The following ERG variants were observed in gnomAD, a reference collection of about 807,000 sequenced individuals.
ERG encodes the protein ETS transcription factor ERG, also known as transcriptional regulator ERG.
ERG carries 9 observed loss-of-function variants against 55.3 expected under a neutral mutation model. The ratio of observed to expected loss-of-function variants is 0.16; its 90% CI spans 0.10 to 0.28. The LOEUF is 0.28. Among genes scored for constraint, ERG ranks in the 10% least tolerant of loss-of-function variants. ERG has a pLI of 1.00. For missense variants in ERG, 434 were observed against 631.6 expected, an observed-to-expected ratio of 0.69 and a Z score of 3.35; for synonymous variants, 223 against 237.3, an observed-to-expected ratio of 0.94 and a Z score of 0.55.
chr21:38,595,090 G>T (rs747575920), intron 1 of ERG, among the ~76,000 whole-genome samples: 2 of 152,176 alleles, frequency 1.3e-5, no homozygotes, highest in Non-Finnish European at 1.5e-5. Flanking sequence ...GACGATGAGG[G>T]TTTGTGTGGA....
intron 1 of ERG, among the ~76,000 whole-genome samples, chr21:38,576,845 G>A (rs2059997657): frequency 6.6e-6 from 1 of 152,038 alleles, no homozygotes; most frequent in Non-Finnish European, 1.5e-5. Context: ...TTATGGTTCT[G>A]ACTGCAGCTG....
At position 38,385,131 on chromosome 21, in the gene ERG, A is replaced by G. The variant is rs557041959; in HGVS notation, c.920-1208T>C. Among the ~76,000 whole-genome samples, 7 of 152,342 alleles carry G rather than the reference A, an allele frequency of 4.6e-5. No homozygotes were observed. In the South Asian group the frequency reaches 1.4e-3, roughly 32 times the overall value. On this transcript the variant is annotated intron_variant, in intron 9 of 9. Transcript: ENST00000288319. ...TTTGTTTTATGAAATTCAAAGAAAA[A>G]TCTAGGCACATCATTCTAGCTGCTA...
chr21:38,504,299 TA>T (rs1478946606), intron 2 of ERG, among the ~76,000 whole-genome samples: 1 of 152,162 alleles, frequency 6.6e-6, no homozygotes, highest in Non-Finnish European at 1.5e-5. Flanking sequence ...ATGATTTCAA[TA>T]AACACAATTT....
At chr21:38,458,904 C>G (rs930511112) in intron 1 of ERG, among the ~76,000 whole-genome samples, 6 of 152,204 alleles carry the variant, frequency 3.9e-5, no homozygotes, top group African/African-American at 1.4e-4. Context: ...CTCAAACATT[C>G]ACTCCCAGCT....
chr21:38,462,742 T>C (rs190005960), intron 1 of ERG, among the ~76,000 whole-genome samples: 119 of 152,132 alleles, frequency 7.8e-4, no homozygotes, highest in Non-Finnish European at 1.3e-3. Context: ...AACTGACGAG[T>C]GCTGCCCCAG....
At chr21:38,406,206 G>T (rs1988766383) in intron 3 of ERG, among the ~76,000 whole-genome samples, 1 of 148,964 alleles carries the variant, frequency 6.7e-6, no homozygotes, top group African/African-American at 2.5e-5. Flanking sequence ...AAAACTAAAG[G>T]GAACTCTGGT....
At chr21:38,653,458 T>C (rs1173597049) in intron 1 of ERG, among the ~76,000 whole-genome samples, 1 of 152,198 alleles carries the variant, frequency 6.6e-6, no homozygotes, top group Non-Finnish European at 1.5e-5. Context: ...TTCTCAGGCA[T>C]TCCACTTGTC....
At chr21:38,434,154 G>T (rs1204777654) in intron 2 of ERG, among the ~76,000 whole-genome samples, 3 of 152,120 alleles carry the variant, frequency 2.0e-5, no homozygotes, top group Non-Finnish European at 4.4e-5. Context: ...CATTTGTTTA[G>T]CAAATATCTG....
In ERG at chr21:38,391,724, C is replaced by A. The variant is rs1987981007; in HGVS notation, c.815-9G>T. ...AGGAGATGGTTGAGCAGCTGAAAAT[C>A]CAGAAATACAAAAGGCAATTAGCTA... On this transcript the variant is annotated splice_polypyrimidine_tract_variant and intron_variant, in intron 7 of 9. Transcript: ENST00000288319. 1 of 1,612,850 alleles carries A rather than the reference C, an allele frequency of 6.2e-7. No homozygotes were observed. The highest frequency in any genetic ancestry group is 1.7e-5 in the Admixed American group (1 of 59,762).
chr21:38,527,094 G>A (rs1478759815), intron 2 of ERG, among the ~76,000 whole-genome samples: 5 of 152,174 alleles, frequency 3.3e-5, no homozygotes, highest in Admixed American at 3.3e-4. Flanking sequence ...CATAATGAGT[G>A]AAGTCTCTGA....
intron 1 of ERG, among the ~76,000 whole-genome samples, chr21:38,628,708 T>A (rs1425509136): frequency 3.3e-5 from 5 of 152,144 alleles, no homozygotes; most frequent in Non-Finnish European, 5.9e-5. Flanking sequence ...TCATGGAACT[T>A]CCCTGTCCCT....
At chr21:38,417,758 C>T (rs1170631468) in intron 3 of ERG, among the ~76,000 whole-genome samples, 1 of 152,078 alleles carries the variant, frequency 6.6e-6, no homozygotes, top group Non-Finnish European at 1.5e-5. Flanking sequence ...CATTGCACTC[C>T]AGCCTGGGCA....
intron 2 of ERG, among the ~76,000 whole-genome samples, chr21:38,545,475 G>A (rs900792111): frequency 6.6e-6 from 1 of 152,050 alleles, no homozygotes; most frequent in Admixed American, 6.6e-5. Flanking sequence ...CCAGCTTGCT[G>A]TCTTCTCCCT....
intron 1 of ERG, among the ~76,000 whole-genome samples, chr21:38,468,302 G>A (rs529668588): frequency 1.3e-5 from 2 of 152,274 alleles, no homozygotes; most frequent in African/African-American, 2.4e-5. Flanking sequence ...AAACTATTCC[G>A]TAGCTCTGTG....
intron 2 of ERG, among the ~76,000 whole-genome samples, chr21:38,568,935 G>C (rs1223007772): frequency 6.6e-6 from 1 of 152,214 alleles, no homozygotes; most frequent in African/African-American, 2.4e-5. Context: ...CTTACAGGCA[G>C]AAGCAGCGGC....
At chr21:38,604,949 C>T (rs187322721) in intron 1 of ERG, among the ~76,000 whole-genome samples, 1 of 152,188 alleles carries the variant, frequency 6.6e-6, no homozygotes, top group Non-Finnish European at 1.5e-5. Flanking sequence ...TCTTTTCTTG[C>T]TTGCTTCTTT....
intron 1 of ERG, among the ~76,000 whole-genome samples, chr21:38,634,000 G>A (rs1384516175): frequency 6.6e-6 from 1 of 152,068 alleles, no homozygotes; most frequent in African/African-American, 2.4e-5. Flanking sequence ...CCTAGGGCCT[G>A]TTCTGTATAT....
intron 1 of ERG, among the ~76,000 whole-genome samples, chr21:38,636,397 A>G (rs9980524): frequency 0.17 from 25,470 of 152,134 alleles, 2,201 homozygotes; most frequent in East Asian, 0.29. Context: ...CAGGAGGGCA[A>G]GGAGGGTCCG....
intron 2 of ERG, among the ~76,000 whole-genome samples, chr21:38,430,768 C>A (rs1990165961): frequency 6.6e-6 from 1 of 152,170 alleles, no homozygotes; most frequent in Admixed American, 6.5e-5. Flanking sequence ...GGCCACACAG[C>A]CTCAAACTCC....
Sources: allele counts gnomAD v4.1 joint callset (sites outside exome capture counted in the v4.1 genomes callset), GRCh38; gene constraint gnomAD v4.1.1; transcripts MANE v1.5; gene names NCBI Gene and HGNC (gene_info 2026-07-23, HGNC 2026-07-21).